MBD3: variants seen among roughly 807,000 people sequenced by gnomAD.
MBD3 encodes the protein methyl-CpG-binding domain protein 3.
In MBD3, 13 loss-of-function variants were observed where a neutral mutation model predicts 31.2. That is an observed-to-expected ratio of 0.42 (90% CI 0.27 to 0.66). The LOEUF (loss-of-function observed/expected upper bound fraction) is 0.66. Ranked by LOEUF, MBD3 falls within the 30% of genes least tolerant of loss-of-function variation. The pLI is 0.26. For missense variants in MBD3, 440 were observed against 426.5 expected, an observed-to-expected ratio of 1.03 and a Z score of -0.28; for synonymous variants, 223 against 187.4, an observed-to-expected ratio of 1.19 and a Z score of -1.55.
intron 3 of MBD3, among the ~76,000 whole-genome samples, chr19:1,582,944 C>T (rs1314961148): frequency 6.6e-6 from 1 of 152,198 alleles, no homozygotes; most frequent in Non-Finnish European, 1.5e-5. Flanking sequence ...TGGCTCACGC[C>T]TGTAATCCCA....
chr19:1,575,069 G>A lies in MBD3; in HGVS notation c.*3095C>T. On this transcript the variant is annotated 3_prime_UTR_variant, in exon 7 of 7. Coordinates refer to ENST00000434436, the MANE Select transcript of MBD3 (RefSeq NM_001281453.2). ...GCCTCTCCTCCCTGGTACCCTCTGT[G>A]GCGGCAGCGGTGGGGAGCTTGGTCT... 2.7e-6 allele frequency: 1 copy of A among 374,076 alleles called. No individual in the cohort carries two copies. Among genetic ancestry groups the A allele is most frequent in the South Asian group, 1.9e-5 (1 of 52,656 alleles). The allele number at this position is 374,076 out of a possible 1,614,324, so 23.2% of individuals were successfully genotyped here.
intron 1 of MBD3, among the ~76,000 whole-genome samples, chr19:1,589,250 G>C (rs2060692962): frequency 1.4e-5 from 2 of 147,614 alleles, no homozygotes; most frequent in Non-Finnish European, 3.0e-5. Flanking sequence ...AGAATTGCTT[G>C]AACTCAGGAG....
chr19:1,585,243 C>CG lies in MBD3; in HGVS notation c.111-30dup. 1 of 1,551,292 alleles carries CG rather than the reference C, an allele frequency of 6.4e-7. No individual in the cohort carries two copies. The highest frequency in any genetic ancestry group is 8.7e-7 in the Non-Finnish European group (1 of 1,155,644). Reference sequence around the variant, plus strand: ...CGGGGAGGCGGGACGGTCGGCGCCCCGGGCGGACCCCAGACCCCAAACCCA... The same window carrying CG: ...CGGGGAGGCGGGACGGTCGGCGCCCCGGGGCGGACCCCAGACCCCAAACCCA... On this transcript the variant is annotated intron_variant, in intron 1 of 6. Transcript: ENST00000434436. This position sits in a 1 kb window ranked among gnomAD's most constrained non-coding sequence, Gnocchi z 4.1.
chr19:1,585,711 C>G lies in MBD3; in HGVS notation c.111-497G>C, dbSNP rs1039876585. On this transcript the variant is annotated intron_variant, in intron 1 of 6. Coordinates refer to ENST00000434436, the MANE Select transcript of MBD3 (RefSeq NM_001281453.2). The surrounding 1 kb of genome is among the most constrained non-coding windows in gnomAD (Gnocchi z 4.1). Reference sequence around the variant, plus strand: ...CCAGACATGGAATTTAGGTCACATTCTTGAGAAAAGACCCCACGGAGAACA... The same window carrying G: ...CCAGACATGGAATTTAGGTCACATTGTTGAGAAAAGACCCCACGGAGAACA... 3.3e-5 allele frequency among the ~76,000 whole-genome samples: 5 copies of G among 152,214 alleles called. No individual in the cohort carries two copies. The highest frequency in any genetic ancestry group is 7.3e-5 in the Non-Finnish European group (5 of 68,044).
rs973415559 is a variant in MBD3 at position 1,578,080 on chromosome 19, G to A, written c.*84C>T. 52 of 589,970 alleles carry A rather than the reference G, an allele frequency of 8.8e-5. 1 individual carries two copies. Among genetic ancestry groups the A allele is most frequent in the South Asian group, 8.0e-5 (4 of 49,726 alleles). 36.5% of individuals were successfully genotyped at this position (589,970 alleles called of 1,614,324 possible). On this transcript the variant is annotated 3_prime_UTR_variant, in exon 7 of 7. Transcript: ENST00000434436. This position sits in a 1 kb window ranked among gnomAD's most constrained non-coding sequence, Gnocchi z 6.1. ...GGTGTCTCCAAGGCTGGGCTTCGCC[G>A]CCGAGCCTGGTTCACGTGGGGCCGA...
intron 3 of MBD3, among the ~76,000 whole-genome samples, chr19:1,583,806 T>C (rs998058409): frequency 6.6e-6 from 1 of 152,058 alleles, no homozygotes; most frequent in Non-Finnish European, 1.5e-5. Context: ...ATTAGACCAT[T>C]TCCATTTTTT....
chr19:1,590,879 C>G (rs1344980852), intron 1 of MBD3, among the ~76,000 whole-genome samples: 3 of 152,208 alleles, frequency 2.0e-5, no homozygotes, highest in Admixed American at 1.3e-4. Context: ...GAGGGCGGCT[C>G]TGGGCTGCCT....
intron 4 of MBD3, chr19:1,581,512 G>T: frequency 7.0e-6 from 4 of 574,828 alleles, no homozygotes; most frequent in Non-Finnish European, 1.3e-5. Context: ...GGAGGGCGAG[G>T]TGGGAGGACT....
rs1481239661 is a variant in MBD3, at chr19:1,585,205, C to T, written c.120G>A (p.Gly40=). Reference sequence around the variant, plus strand: ...GCTGCGGCTTGCTGCGGAACTTCTTCCCGCTCGGGCTGCGGGGAGGCGGGA... The same window carrying T: ...GCTGCGGCTTGCTGCGGAACTTCTTTCCGCTCGGGCTGCGGGGAGGCGGGA... ...HRDVFYYSPS[G]KKFRSKPQLA... is the part of the protein sequence containing the mutation. The change falls in exon 2 of 7, where the codon GGG becomes GGA. Residue 40 remains glycine (G), a synonymous_variant. Transcript: ENST00000434436. The surrounding 1 kb of genome is among the most constrained non-coding windows in gnomAD (Gnocchi z 4.1). The T allele has an allele frequency of 6.3e-7, 1 of 1,596,616 alleles. No individual in the cohort carries two copies. The highest frequency in any genetic ancestry group is 1.7e-5 in the Admixed American group (1 of 58,990).
At chr19:1,587,693 A>C (rs2060685725) in intron 1 of MBD3, among the ~76,000 whole-genome samples, 1 of 152,254 alleles carries the variant, frequency 6.6e-6, no homozygotes, top group Admixed American at 6.5e-5. Context: ...TATAGGCGGC[A>C]GCCACTATGC....
In MBD3 at chr19:1,581,179, G is replaced by A. The variant is rs964115357; in HGVS notation, c.590C>T (p.Ser197Leu). ...TSTMPITGQLSAAVEKNPGVW... is the reference protein window; with the variant it reads ...TSTMPITGQLLAAVEKNPGVW... ...GCCGGGGTTCTTCTCCACGGCGGCCGAGAGCTGTCCCGTGATGGGCATGGT... is the reference window on the plus strand; with the variant it reads ...GCCGGGGTTCTTCTCCACGGCGGCCAAGAGCTGTCCCGTGATGGGCATGGT... The change falls in exon 5 of 7, where the codon TCG becomes TTG. Residue 197 changes from serine to leucine, a missense_variant. Transcript: ENST00000434436. The A allele has an allele frequency of 5.6e-6, 9 of 1,614,084 alleles. No individual in the cohort carries two copies. The highest frequency in any genetic ancestry group is 4.2e-6 in the Non-Finnish European group (5 of 1,180,028).
rs1462616392 is a variant in MBD3 at position 1,576,060 on chromosome 19, G to A, written c.*2104C>T. ...AGAGAGCAAGAAACAAAGAGGGACA[G>A]AGAGGGAGACGGCGCAAGAGAGAGA... On this transcript the variant is annotated 3_prime_UTR_variant, in exon 7 of 7. Coordinates refer to ENST00000434436, the MANE Select transcript of MBD3 (RefSeq NM_001281453.2). The A allele has an allele frequency of 6.6e-6, 1 of 152,566 alleles. No individual in the cohort carries two copies. The highest frequency in any genetic ancestry group is 1.5e-5 in the Non-Finnish European group (1 of 68,330). The allele number at this position is 152,566 out of a possible 1,614,324, so 9.5% of individuals were successfully genotyped here.
At position 1,585,991 on chromosome 19, in the gene MBD3, A is replaced by G. The variant is rs1466785115; in HGVS notation, c.111-777T>C. 2 of 152,248 alleles carry G rather than the reference A, an allele frequency of 1.3e-5. No homozygotes were observed. The highest frequency in any genetic ancestry group is 6.5e-5 in the Admixed American group (1 of 15,276). The allele number at this position is 152,248 out of a possible 1,614,324, so 9.4% of individuals were successfully genotyped here. ...TCTCCAGGACATAAGGACACCCACC[A>G]ATGGGTTGCCCTGTGTGTCACATGA... On this transcript the variant is annotated intron_variant, in intron 1 of 6. Coordinates refer to ENST00000434436, the MANE Select transcript of MBD3 (RefSeq NM_001281453.2). This position sits in a 1 kb window ranked among gnomAD's most constrained non-coding sequence, Gnocchi z 4.1.
chr19:1,591,582 G>A (rs1324485124), intron 1 of MBD3, among the ~76,000 whole-genome samples: 1 of 152,154 alleles, frequency 6.6e-6, no homozygotes, highest in Non-Finnish European at 1.5e-5. Context: ...CTCGGCACAT[G>A]GCAGGCGTCC....
At position 1,578,078 on chromosome 19, in the gene MBD3, C is replaced by G; in HGVS notation, c.*86G>C. 1 of 547,400 alleles carries G rather than the reference C, an allele frequency of 1.8e-6. No individual in the cohort carries two copies. The highest frequency in any genetic ancestry group is 3.0e-6 in the Non-Finnish European group (1 of 329,188). 33.9% of individuals were successfully genotyped at this position (547,400 alleles called of 1,614,324 possible). ...TGGGTGTCTCCAAGGCTGGGCTTCGCCGCCGAGCCTGGTTCACGTGGGGCC... is the reference window on the plus strand; with the variant it reads ...TGGGTGTCTCCAAGGCTGGGCTTCGGCGCCGAGCCTGGTTCACGTGGGGCC... On this transcript the variant is annotated 3_prime_UTR_variant, in exon 7 of 7. Transcript: ENST00000434436. This position sits in a 1 kb window ranked among gnomAD's most constrained non-coding sequence, Gnocchi z 6.1.
chr19:1,584,727 G>T, intron 2 of MBD3, 50 bp from the exon 3 acceptor site: 1 of 1,579,526 alleles, frequency 6.3e-7, no homozygotes, highest in South Asian at 1.1e-5. Flanking sequence ...CCGGCGGCGC[G>T]GAGCCTCAGG....
Position 1,585,166 on chromosome 19 carries a change from C to A in MBD3, c.159G>T (p.Leu53=). The change falls in exon 2 of 7, where the codon CTG becomes CTT. Residue 53 remains leucine, a synonymous_variant. Transcript: ENST00000434436. The surrounding 1 kb of genome is among the most constrained non-coding windows in gnomAD (Gnocchi z 4.1). ...FRSKPQLARY[L]GGSMDLSTFD... is the part of the protein sequence containing the mutation. ...AGGTGCTCAGGTCCATGGAGCCGCC[C>A]AGGTAGCGCGCCAGCTGCGGCTTGC... 1 of 1,609,018 alleles carries A rather than the reference C, an allele frequency of 6.2e-7. No homozygotes were observed. Among genetic ancestry groups the A allele is most frequent in the Non-Finnish European group, 8.5e-7 (1 of 1,179,322 alleles).
At chr19:1,582,834 C>T in intron 3 of MBD3, 122 bp from the exon 4 acceptor site, 3 of 794,470 alleles carry the variant, frequency 3.8e-6, no homozygotes, top group Non-Finnish European at 6.5e-6. Flanking sequence ...AATGGGGCAT[C>T]TCCCCTCCCA....
At position 1,581,106 on chromosome 19, in the gene MBD3, G is replaced by C. The variant is rs775439259; in HGVS notation, c.663C>G (p.Thr221=). 6.2e-7 allele frequency: 1 copy of C among 1,614,140 alleles called. No homozygotes were observed. The highest frequency in any genetic ancestry group is 8.5e-7 in the Non-Finnish European group (1 of 1,180,032). ...CAAGGGGCTACCTGATGTCCTCGTC[G>C]GTCACCATGAAGGCTTTGCACAGGG... The part of the protein sequence containing the change: ...TQPLCKAFMV[T]DEDIRKQEEL... The change falls in exon 5 of 7, where the codon ACC becomes ACG. Residue 221 remains threonine, a synonymous_variant. Transcript: ENST00000434436.
Sources: gnomAD v4.1 joint callset for allele counts (sites outside exome capture counted in the v4.1 genomes callset) on GRCh38, gnomAD v4.1.1 for gene constraint, Gnocchi (gnomAD v3.1) non-coding constraint, MANE v1.5 for transcripts, NCBI Gene and HGNC (gene_info 2026-07-23, HGNC 2026-07-21) for gene names.